Variants in TMEM74 observed in about 807,000 individuals in gnomAD.
TMEM74 encodes the protein transmembrane protein 74.
TMEM74 carries 13 observed loss-of-function variants against 18.1 expected under a neutral mutation model. The ratio of observed to expected loss-of-function variants is 0.72; its 90% CI spans 0.47 to 1.14. The LOEUF is 1.14. Among genes scored for constraint, TMEM74 ranks in the 50% most tolerant of loss-of-function variants. The pLI, the probability that TMEM74 is intolerant of heterozygous loss-of-function variation, is 0.00. For missense variants in TMEM74, 372 were observed against 375.9 expected (o/e 0.99, Z 0.09); for synonymous variants, 159 against 146.6 (o/e 1.08, Z -0.61).
In TMEM74 at chr8:108,657,881, T is replaced by TTAATTAC. The variant is rs1554630301; in HGVS notation, n.120-2445_120-2444insGTAATTA. ...AAAAATATATATATATATATATATATATATATATATATATATATATATTAA... is the reference window on the plus strand; with the variant it reads ...AAAAATATATATATATATATATATATTAATTACATATATATATATATATATATATTAA... On this transcript the variant is annotated intron_variant and non_coding_transcript_variant, in intron 1 of 3. Coordinates refer to the TMEM74 transcript ENST00000518838. Among the ~76,000 whole-genome samples, 21 of 98,486 alleles carry TTAATTAC rather than the reference T, an allele frequency of 2.1e-4. 1 individual carries two copies. Among genetic ancestry groups the TTAATTAC allele is most frequent in the South Asian group, 1.6e-3 (5 of 3,132 alleles). 64.6% of individuals were successfully genotyped at this position (98,486 alleles called of 152,430 possible). A position where few individuals can be genotyped will look rare whatever the true frequency, so the allele number is the denominator to read the frequency against.
At chr8:108,771,271 G>A (rs1197372257) in intron 1 of TMEM74, among the ~76,000 whole-genome samples, 1 of 152,036 alleles carries the variant, frequency 6.6e-6, no homozygotes, top group Non-Finnish European at 1.5e-5. Context: ...TCAATAAAAT[G>A]GAGGTAACAA....
chr8:108,756,634 GGAAGGA>G (rs1210606221), intron 1 of TMEM74, among the ~76,000 whole-genome samples: 26 of 78,386 alleles, frequency 3.3e-4, no homozygotes, highest in African/African-American at 1.3e-3. Context: ...AAGGAAGGAA[GGAAGGA>G]AGAAAGAAAG....
In TMEM74 at chr8:108,780,715, T is replaced by C. The variant is rs1463784605; in HGVS notation, c.*3466A>G. ...CTTGATAGAACAGAATCAAGGGTTA[T>C]AGCAGTCATGTGGGTAAAAGCAACC... On this transcript the variant is annotated 3_prime_UTR_variant, in exon 2 of 2. Coordinates refer to ENST00000297459, the MANE Select transcript of TMEM74 (RefSeq NM_153015.3). 6.6e-6 allele frequency among the ~76,000 whole-genome samples: 1 copy of C among 152,190 alleles called. No homozygotes were observed.
At chr8:108,619,107 T>C (rs1023184292) in intron 2 of TMEM74, among the ~76,000 whole-genome samples, 25 of 152,310 alleles carry the variant, frequency 1.6e-4, no homozygotes, top group African/African-American at 6.0e-4. Context: ...TCATCAAGCC[T>C]ATAGGTGAGG....
At chr8:108,756,565 A>G (rs1163090728) in intron 1 of TMEM74, among the ~76,000 whole-genome samples, 1 of 112,006 alleles carries the variant, frequency 8.9e-6, no homozygotes, top group Non-Finnish European at 1.7e-5. Context: ...AGAAAGAAAG[A>G]AAGAAAGAAA....
chr8:108,678,323 G>T (rs1008352828), intron 1 of TMEM74, among the ~76,000 whole-genome samples: 1 of 152,048 alleles, frequency 6.6e-6, no homozygotes, highest in Admixed American at 6.6e-5. Context: ...TCTTCATTTA[G>T]AAATCTGGAA....
At chr8:108,720,757 AGTTTGTTT>A (rs775211383) in intron 1 of TMEM74, among the ~76,000 whole-genome samples, 1 of 49,510 alleles carries the variant, frequency 2.0e-5, no homozygotes, top group Non-Finnish European at 4.6e-5. Flanking sequence ...TTTATTTATT[AGTTTGTTT>A]GTTTGTTTGT....
At chr8:108,684,048 A>G (rs1217208238) in intron 1 of TMEM74, among the ~76,000 whole-genome samples, 1 of 152,104 alleles carries the variant, frequency 6.6e-6, no homozygotes, top group Admixed American at 6.5e-5. Context: ...TATTGTGAAT[A>G]TGACTGTGAT....
intron 1 of TMEM74, among the ~76,000 whole-genome samples, chr8:108,711,385 C>A (rs1813473727): frequency 1.3e-5 from 2 of 152,218 alleles, no homozygotes; most frequent in Admixed American, 1.3e-4. Context: ...CCAAAACACT[C>A]TCCCTGTCTT....
intron 1 of TMEM74, among the ~76,000 whole-genome samples, chr8:108,735,287 T>C (rs1397488779): frequency 6.6e-6 from 1 of 152,174 alleles, no homozygotes; most frequent in African/African-American, 2.4e-5. Context: ...TGTGAAACCA[T>C]CACCACAACC....
intron 1 of TMEM74, among the ~76,000 whole-genome samples, chr8:108,761,118 C>T (rs948830134): frequency 2.0e-5 from 3 of 152,184 alleles, no homozygotes; most frequent in South Asian, 4.1e-4. Context: ...GTTCCTCCAT[C>T]AATCCACTAA....
intron 1 of TMEM74, among the ~76,000 whole-genome samples, chr8:108,711,586 A>G (rs1170263364): frequency 6.6e-6 from 1 of 152,174 alleles, no homozygotes; most frequent in Non-Finnish European, 1.5e-5. Context: ...CTTGTGAAGG[A>G]GAGAAGAAAG....
At chr8:108,747,564 A>T (rs935983421) in intron 1 of TMEM74, among the ~76,000 whole-genome samples, 7 of 151,590 alleles carry the variant, frequency 4.6e-5, no homozygotes, top group African/African-American at 1.7e-4. Flanking sequence ...TCTTTTTTTT[A>T]AATTGGCAAC....
At chr8:108,650,883 G>A (rs1812767830) in intron 2 of TMEM74, among the ~76,000 whole-genome samples, 1 of 151,884 alleles carries the variant, frequency 6.6e-6, no homozygotes, top group Non-Finnish European at 1.5e-5. Flanking sequence ...GCTAATTTTT[G>A]TATTTTTAGT....
chr8:108,626,594 C>G (rs892392569), intron 2 of TMEM74: 6 of 152,058 alleles, frequency 3.9e-5, no homozygotes. Flanking sequence ...TGGAGGTGGT[C>G]TGGGCCAGTG....
intron 2 of TMEM74, chr8:108,652,509 C>T: frequency 4.7e-6 from 2 of 429,026 alleles, no homozygotes; most frequent in South Asian, 2.8e-5. Context: ...AGGGAGAGAC[C>T]CTGACCACCA....
chr8:108,762,764 G>T (rs1814060277), intron 1 of TMEM74, among the ~76,000 whole-genome samples: 1 of 152,034 alleles, frequency 6.6e-6, no homozygotes, highest in Non-Finnish European at 1.5e-5. Flanking sequence ...AGGCATAGTG[G>T]TATGCACTTA....
intron 1 of TMEM74, among the ~76,000 whole-genome samples, chr8:108,739,569 T>C (rs1752825882): frequency 6.6e-6 from 1 of 152,198 alleles, no homozygotes; most frequent in Non-Finnish European, 1.5e-5. Context: ...ACTCCAAAAC[T>C]AAGTAGTTCA....
intron 1 of TMEM74, among the ~76,000 whole-genome samples, chr8:108,756,636 AAGG>A (rs1563543698): frequency 2.6e-4 from 22 of 86,202 alleles, no homozygotes; most frequent in African/African-American, 8.4e-4. Flanking sequence ...GGAAGGAAGG[AAGG>A]AAGAAAGAAA....
Sources: allele counts gnomAD v4.1 joint callset (sites outside exome capture counted in the v4.1 genomes callset), GRCh38; gene constraint gnomAD v4.1.1; transcripts MANE v1.5; gene names NCBI Gene and HGNC (gene_info 2026-07-23, HGNC 2026-07-21).